VAMP4: variants seen among roughly 807,000 people sequenced by gnomAD.
The protein encoded by VAMP4 is vesicle-associated membrane protein 4.
In VAMP4, 19 loss-of-function variants were observed where a neutral mutation model predicts 23.5. The observed-to-expected ratio is 0.81, with a 90% CI of 0.56 to 1.19. The LOEUF is 1.19. VAMP4 is among the 50% of genes most tolerant of loss of function. The pLI is 0.00. For synonymous variants in VAMP4, 31 were observed against 51.0 expected (o/e 0.61, Z 1.67); for missense variants, 145 against 168.6 (o/e 0.86, Z 0.78).
chr1:171,706,352 C>T lies in VAMP4; in HGVS notation c.397+15G>A. 1 of 1,597,942 alleles carries T rather than the reference C, an allele frequency of 6.3e-7. No individual in the cohort carries two copies. Among genetic ancestry groups the T allele is most frequent in the Non-Finnish European group, 8.5e-7 (1 of 1,172,932 alleles). On this transcript the variant is annotated intron_variant, in intron 7 of 7. Coordinates refer to ENST00000236192, the MANE Select transcript of VAMP4 (RefSeq NM_003762.5). ...AAATGATACCCTAGGAAGTAATAAT[C>T]CAATAAATACTTACTGATAATCACT... is the stretch of plus-strand genomic sequence containing the variant.
At chr1:171,740,722 T>G (rs1042033052) in intron 1 of VAMP4, among the ~76,000 whole-genome samples, 6 of 152,202 alleles carry the variant, frequency 3.9e-5, no homozygotes, top group African/African-American at 1.4e-4. Flanking sequence ...TGTATTTAGA[T>G]TTTAACCCCT....
At chr1:171,723,801 G>A (rs1442193909) in intron 3 of VAMP4, among the ~76,000 whole-genome samples, 2 of 152,318 alleles carry the variant, frequency 1.3e-5, no homozygotes, top group South Asian at 4.1e-4. Context: ...ATTGACTGGG[G>A]AAGTGATAAA....
Position 171,701,563 on chromosome 1 carries a change from T to C in VAMP4, c.*2943A>G, listed in dbSNP as rs1295771358. The C allele has an allele frequency of 1.3e-5, 2 of 152,206 alleles. No homozygotes were observed. The highest frequency in any genetic ancestry group is 2.9e-5 in the Non-Finnish European group (2 of 68,014). 9.4% of individuals were successfully genotyped at this position (152,206 alleles called of 1,614,324 possible). A position where few individuals can be genotyped will look rare whatever the true frequency, so the allele number is the denominator to read the frequency against. ...ACTATACAGAATTGAAAGATGCCAA[T>C]TTTTGCTATCAAAAGTGCTGAAGTT... On this transcript the variant is annotated 3_prime_UTR_variant, in exon 8 of 8. Coordinates refer to ENST00000236192, the MANE Select transcript of VAMP4 (RefSeq NM_003762.5).
At chr1:171,738,243 C>T (rs1339065792) in intron 2 of VAMP4, 106 bp downstream of exon 2, 3 of 1,262,708 alleles carry the variant, frequency 2.4e-6, no homozygotes, top group Non-Finnish European at 3.3e-6. Flanking sequence ...GCGGCGATTG[C>T]AGGCATGAGC....
At chr1:171,739,294 T>C (rs1326205275) in intron 1 of VAMP4, among the ~76,000 whole-genome samples, 1 of 152,110 alleles carries the variant, frequency 6.6e-6, no homozygotes, top group African/African-American at 2.4e-5. Flanking sequence ...GAAGACTCCA[T>C]AAAACCCAAA....
intron 3 of VAMP4, among the ~76,000 whole-genome samples, chr1:171,720,945 T>C (rs774786846): frequency 9.9e-5 from 15 of 152,154 alleles, no homozygotes; most frequent in Non-Finnish European, 2.1e-4. Context: ...TCTAACAATG[T>C]TTTAAAAGAA....
intron 4 of VAMP4, among the ~76,000 whole-genome samples, chr1:171,713,628 T>G (rs1411139441): frequency 1.3e-5 from 2 of 151,472 alleles, no homozygotes; most frequent in Non-Finnish European, 2.9e-5. Context: ...AGCCTGGGAG[T>G]TTGAGACCAG....
rs1654479502 is a variant in VAMP4 at position 171,702,385 on chromosome 1, G to A, written c.*2121C>T. 6.6e-6 allele frequency: 1 copy of A among 151,692 alleles called. No homozygotes were observed. The highest frequency in any genetic ancestry group is 2.4e-5 in the African/African-American group (1 of 41,364). The allele number at this position is 151,692 out of a possible 1,614,324, so 9.4% of individuals were successfully genotyped here. A position where few individuals can be genotyped will look rare whatever the true frequency, so the allele number is the denominator to read the frequency against. On this transcript the variant is annotated 3_prime_UTR_variant, in exon 8 of 8. Transcript: ENST00000236192. ...TTACAAAGACAGTGACATATATATT[G>A]TCAAAAAATTTTACTGTTACTTATT...
In VAMP4 at chr1:171,703,166, T is replaced by C. The variant is rs1288344606; in HGVS notation, c.*1340A>G. 6.6e-6 allele frequency: 1 copy of C among 151,664 alleles called. No homozygotes were observed. Among genetic ancestry groups the C allele is most frequent in the African/African-American group, 2.4e-5 (1 of 41,364 alleles). The allele number at this position is 151,664 out of a possible 1,614,324, so 9.4% of individuals were successfully genotyped here. ...AATTTAGGGAGTTTTATATTCATAT[T>C]GTCAAGATATCCAGTGCACAAGTTT... On this transcript the variant is annotated 3_prime_UTR_variant, in exon 8 of 8. Transcript: ENST00000236192.
chr1:171,725,296 A>C (rs1655327763), intron 3 of VAMP4, among the ~76,000 whole-genome samples: 1 of 152,130 alleles, frequency 6.6e-6, no homozygotes, highest in Non-Finnish European at 1.5e-5. Flanking sequence ...AATTCCATTT[A>C]TGTATTCAAT....
chr1:171,726,065 T>TGG (rs971652763), intron 3 of VAMP4, among the ~76,000 whole-genome samples: 30 of 150,800 alleles, frequency 2.0e-4, no homozygotes, highest in African/African-American at 5.9e-4. Flanking sequence ...CATTTTTTTT[T>TGG]GGGGGGGGCG....
At chr1:171,708,080 C>T (rs1010472605) in intron 6 of VAMP4, among the ~76,000 whole-genome samples, 28 of 151,922 alleles carry the variant, frequency 1.8e-4, no homozygotes, top group African/African-American at 6.5e-4. Context: ...GGGCAGATTG[C>T]TCGAGGCCAG....
intron 4 of VAMP4, among the ~76,000 whole-genome samples, chr1:171,714,566 G>C (rs1348115410): frequency 6.6e-6 from 1 of 152,194 alleles, no homozygotes. Context: ...GAGCCCAGGA[G>C]TTTGAGACCA....
chr1:171,709,344 G>A lies in VAMP4; in HGVS notation c.345+321C>T, dbSNP rs1331796729. Among the ~76,000 whole-genome samples, 71 of 151,928 alleles carry A rather than the reference G, an allele frequency of 4.7e-4. 1 individual carries two copies. Among genetic ancestry groups the A allele is most frequent in the Non-Finnish European group, 1.2e-4 (8 of 67,992 alleles). On this transcript the variant is annotated intron_variant, in intron 6 of 7. Transcript: ENST00000236192. ...ATGCTATAGAGGTTGCTCCAAAAAA[G>A]TATTAATAGTAAATTTCAAGAAAAA...
intron 3 of VAMP4, among the ~76,000 whole-genome samples, chr1:171,721,440 G>T (rs920498788): frequency 6.6e-6 from 1 of 152,122 alleles, no homozygotes; most frequent in Non-Finnish European, 1.5e-5. Flanking sequence ...AAAACTAAGT[G>T]GGTTTGGCAA....
chr1:171,705,382 A>G (rs1189126102), intron 7 of VAMP4, among the ~76,000 whole-genome samples: 1 of 152,174 alleles, frequency 6.6e-6, no homozygotes, highest in Non-Finnish European at 1.5e-5. Context: ...TTAAACAGTG[A>G]AATCACCAAC....
At chr1:171,723,680 G>A (rs762863617) in intron 3 of VAMP4, among the ~76,000 whole-genome samples, 34 of 152,148 alleles carry the variant, frequency 2.2e-4, no homozygotes, top group South Asian at 6.2e-4. Context: ...CAAACAATTT[G>A]TGCAGTTAAT....
At chr1:171,717,134 C>T (rs1043175611) in intron 4 of VAMP4, among the ~76,000 whole-genome samples, 1 of 152,148 alleles carries the variant, frequency 6.6e-6, no homozygotes, top group Non-Finnish European at 1.5e-5. Context: ...AGACCCCAAT[C>T]GGCAACATCC....
In VAMP4 at chr1:171,710,737, A is replaced by G; in HGVS notation, c.242T>C (p.Leu81Pro). 1.2e-6 allele frequency: 2 copies of G among 1,607,400 alleles called. No homozygotes were observed. The highest frequency in any genetic ancestry group is 1.7e-6 in the Non-Finnish European group (2 of 1,176,112). The change falls in exon 5 of 8, where the codon CTA becomes CCA. Residue 81 changes from leucine (L) to proline (P), a missense_variant. Coordinates refer to ENST00000236192, the MANE Select transcript of VAMP4 (RefSeq NM_003762.5). ...ITKVIERGER[L>P]DELQDKSESL... ...ACCTGATTTGTCCTGTAGTTCATCT[A>G]GTCTCTCCCCTCTCTCAATTACCTT...
Sources: allele counts gnomAD v4.1 joint callset (sites outside exome capture counted in the v4.1 genomes callset), GRCh38; gene constraint gnomAD v4.1.1; transcripts MANE v1.5; gene names NCBI Gene and HGNC (gene_info 2026-07-23, HGNC 2026-07-21).